Variants in GJA5 observed in about 807,000 individuals in gnomAD.
The protein encoded by GJA5 is gap junction alpha-5 protein.
A neutral mutation model predicts 7.9 loss-of-function variants in GJA5; 3 were observed. The observed-to-expected ratio is 0.38, with a 90% CI of 0.17 to 0.99. GJA5 has a LOEUF of 0.99. Among genes scored for constraint, GJA5 ranks in the 50% least tolerant of loss-of-function variants. GJA5 has a pLI of 0.38. For missense variants in GJA5, 390 were observed against 457.9 expected, an observed-to-expected ratio of 0.85 and a Z score of 1.35; for synonymous variants, 193 against 181.0, an observed-to-expected ratio of 1.07 and a Z score of -0.53.
chr1:147,760,777 T>C (rs1663972685), upstream of GJA5, among the ~76,000 whole-genome samples: 1 of 152,198 alleles, frequency 6.6e-6, no homozygotes, highest in Admixed American at 6.5e-5. Flanking sequence ...TGCAGTTAGT[T>C]CTGGTAGGTG....
chr1:147,760,025 T>A (rs1663929644), intron 1 of GJA5, among the ~76,000 whole-genome samples: 1 of 152,132 alleles, frequency 6.6e-6, no homozygotes, highest in Non-Finnish European at 1.5e-5. Flanking sequence ...AAACAAAAAG[T>A]GTGCTTTGGT....
chr1:147,762,709 C>T (rs1664065085), upstream of GJA5, among the ~76,000 whole-genome samples: 1 of 152,172 alleles, frequency 6.6e-6, no homozygotes, highest in Non-Finnish European at 1.5e-5. Flanking sequence ...AAATAGCTAC[C>T]ATGTACCAGA....
rs1407029184 is a variant in GJA5, at chr1:147,757,971, T to C, written c.*191A>G. On this transcript the variant is annotated 3_prime_UTR_variant, in exon 2 of 2. Transcript: ENST00000579774. ...GGGAGGGAACTGCAGTCTGGGTGGG[T>C]TGTCACCTCTCTTACTATCCCAGAG... 3.3e-6 allele frequency: 2 copies of C among 608,602 alleles called. No individual in the cohort carries two copies. The highest frequency in any genetic ancestry group is 4.4e-4 in the Middle Eastern group (1 of 2,272). 37.7% of individuals were successfully genotyped at this position (608,602 alleles called of 1,614,324 possible).
At position 147,758,529 on chromosome 1, in the gene GJA5, C is replaced by T. The variant is rs2148959004; in HGVS notation, c.710G>A (p.Arg237Gln). The change falls in exon 2 of 2, where the codon CGA (arginine) becomes CAA (glutamine). Residue 237 changes from arginine (R) to glutamine (Q), a missense_variant. Transcript: ENST00000579774. Reference sequence around the variant, plus strand: ...CATGTGCTGCCGCGGTTTGACAAATCGCTGTCTGATCTTCTTCCAGCCCAG... The same window carrying T: ...CATGTGCTGCCGCGGTTTGACAAATTGCTGTCTGATCTTCTTCCAGCCCAG... ...YHLGWKKIRQ[R>Q]FVKPRQHMAK... 6.2e-7 allele frequency: 1 copy of T among 1,613,846 alleles called. No homozygotes were observed. Among genetic ancestry groups the T allele is most frequent in the Non-Finnish European group, 8.5e-7 (1 of 1,179,742 alleles).
intron 1 of GJA5, among the ~76,000 whole-genome samples, chr1:147,767,642 C>T (rs1338679011): frequency 1.3e-5 from 2 of 151,306 alleles, no homozygotes; most frequent in African/African-American, 4.9e-5. Context: ...AGACGATCTA[C>T]CCACTTCGGC....
intron 1 of GJA5, among the ~76,000 whole-genome samples, chr1:147,767,378 T>C (rs1664242840): frequency 6.6e-6 from 1 of 151,648 alleles, no homozygotes; most frequent in Admixed American, 6.6e-5. Flanking sequence ...CCTGAGGAAG[T>C]GGGGACTATT....
chr1:147,772,789 G>GAAA (rs10687653), intron 1 of GJA5, among the ~76,000 whole-genome samples: 80,227 of 125,792 alleles, frequency 0.64, 26,587 homozygotes, highest in Non-Finnish European at 0.7. Flanking sequence ...GCCTTAGGGA[G>GAAA]AAAAAAAAAA....
At chr1:147,766,385 C>T (rs981316585) in intron 1 of GJA5, among the ~76,000 whole-genome samples, 7 of 152,208 alleles carry the variant, frequency 4.6e-5, no homozygotes, top group African/African-American at 1.7e-4. Context: ...AATTATTTAC[C>T]GGTTGCTGAA....
At chr1:147,763,766 A>G (rs1377630732), upstream of GJA5, among the ~76,000 whole-genome samples, 6 of 152,182 alleles carry the variant, frequency 3.9e-5, no homozygotes, top group Admixed American at 3.9e-4. Flanking sequence ...TGTATGGCCA[A>G]TGACCAGAAA....
chr1:147,759,808 G>A (rs1228992500), intron 1 of GJA5, among the ~76,000 whole-genome samples: 2 of 152,206 alleles, frequency 1.3e-5, no homozygotes, highest in African/African-American at 4.8e-5. Context: ...AATGATATGA[G>A]GTGTGTGATA....
At chr1:147,769,771 G>A (rs140919637) in intron 1 of GJA5, among the ~76,000 whole-genome samples, 127 of 152,106 alleles carry the variant, frequency 8.3e-4, no homozygotes, top group African/African-American at 2.9e-3. Context: ...CAGACCTCCT[G>A]GGTCAAGTCT....
At chr1:147,762,792 CCATCTCAG>C (rs1273173746), upstream of GJA5, among the ~76,000 whole-genome samples, 1 of 152,210 alleles carries the variant, frequency 6.6e-6, no homozygotes, top group Non-Finnish European at 1.5e-5. Flanking sequence ...TTTGGATACC[CCATCTCAG>C]CCAAAGAAAT....
At chr1:147,770,408 G>T (rs782012422) in intron 1 of GJA5, among the ~76,000 whole-genome samples, 1 of 151,960 alleles carries the variant, frequency 6.6e-6, no homozygotes, top group Non-Finnish European at 1.5e-5. Flanking sequence ...CTGACTTCTA[G>T]CTTAGAGGAC....
At chr1:147,771,448 C>T (rs1246732125) in intron 1 of GJA5, among the ~76,000 whole-genome samples, 2 of 152,194 alleles carry the variant, frequency 1.3e-5, no homozygotes, top group African/African-American at 4.8e-5. Context: ...TCATGCCCTT[C>T]TCTAGTCCTT....
At position 147,759,177 on chromosome 1, in the gene GJA5, A is replaced by G. The variant is rs1400650795; in HGVS notation, c.62T>C (p.Val21Ala). The change falls in exon 2 of 2, where the codon GTA becomes GCA. Residue 21 changes from valine to alanine, a missense_variant. Val to Ala is a moderately conservative substitution (Grantham distance 64). Transcript: ENST00000579774. The part of the protein sequence containing the change: ...LEEVHKHSTV[V>A]GKVWLTVLFI... ...GAGGACAGTGAGCCAGACCTTGCCT[A>G]CCACGGTCGAGTGCTTGTGTACTTC... 25 of 1,614,092 alleles carry G rather than the reference A, an allele frequency of 1.5e-5. No homozygotes were observed. The highest frequency in any genetic ancestry group is 2.2e-5 in the East Asian group (1 of 44,868).
chr1:147,760,818 T>G (rs1378012540), upstream of GJA5, among the ~76,000 whole-genome samples: 1 of 152,194 alleles, frequency 6.6e-6, no homozygotes, highest in Non-Finnish European at 1.5e-5. Flanking sequence ...GTAGAGGGAA[T>G]GCTCCAGAAA....
chr1:147,772,045 C>A (rs1664425342), intron 1 of GJA5, among the ~76,000 whole-genome samples: 1 of 152,182 alleles, frequency 6.6e-6, no homozygotes. Flanking sequence ...CCATGAGCCA[C>A]AGCACCAGGC....
At chr1:147,759,842 T>A (rs587732259) in intron 1 of GJA5, among the ~76,000 whole-genome samples, 1 of 152,330 alleles carries the variant, frequency 6.6e-6, no homozygotes, top group East Asian at 1.9e-4. Flanking sequence ...TCCACAACTG[T>A]TCCAAATGTT....
chr1:147,758,403 A>C lies in GJA5; in HGVS notation c.836T>G (p.Phe279Cys). The C allele has an allele frequency of 6.2e-7, 1 of 1,614,034 alleles. No individual in the cohort carries two copies. The highest frequency in any genetic ancestry group is 8.5e-7 in the Non-Finnish European group (1 of 1,180,004). Residue 279 changes from phenylalanine (F) to cysteine (C), a missense_variant, in exon 2 of 2, where the codon TTC (phenylalanine) becomes TGC (cysteine). Physicochemically the swap from Phe to Cys is radical, Grantham distance 205. Around this residue, in one of 2 missense-constraint regions of GJA5, gnomAD observed 354 missense variants for 370.9 expected, o/e 0.95. Coordinates refer to ENST00000579774, the MANE Select transcript of GJA5 (RefSeq NM_181703.4). ...QCLENGPGGK[F>C]FNPFSNNMAS... ...CATATTATTGCTGAAGGGATTGAAG[A>C]ATTTTCCCCCAGGGCCATTCTCCAG...
Sources: gnomAD v4.1 joint callset for allele counts (sites outside exome capture counted in the v4.1 genomes callset) on GRCh38, gnomAD v4.1.1 for gene constraint, gnomAD v4.1.1 regional missense constraint, MANE v1.5 for transcripts, NCBI Gene and HGNC (gene_info 2026-07-23, HGNC 2026-07-21) for gene names.